CNTLN: variants seen among roughly 807,000 people sequenced by gnomAD.
CNTLN encodes centlein, centrosomal protein.
A neutral mutation model predicts 180.0 loss-of-function variants in CNTLN; 212 were observed. That is an observed-to-expected ratio of 1.18 (90% CI 1.05 to 1.32). CNTLN has a LOEUF of 1.32. Ranked by LOEUF, CNTLN falls within the 40% of genes most tolerant of loss-of-function variation. The probability of loss-of-function intolerance (pLI) is 0.00; values close to 1 mark genes in which losing one functional copy is unlikely to be tolerated. For missense variants in CNTLN, 2,095 were observed against 1,610.9 expected (o/e 1.30, Z -5.14); for synonymous variants, 722 against 563.1 (o/e 1.28, Z -3.99).
intron 18 of CNTLN, among the ~76,000 whole-genome samples, chr9:17,439,928 G>T (rs1215551458): frequency 6.6e-6 from 1 of 152,146 alleles, no homozygotes; most frequent in Non-Finnish European, 1.5e-5. Context: ...ATCATAATAA[G>T]TAAATGTTTG....
At chr9:17,135,460 C>T (rs184682560) in intron 1 of CNTLN, 35 bp downstream of exon 1, 1 of 1,565,172 alleles carries the variant, frequency 6.4e-7, no homozygotes, top group South Asian at 1.2e-5. Context: ...CTTTCCCCAC[C>T]ACAGCGGGGC....
At chr9:17,447,424 G>A (rs529142005) in intron 18 of CNTLN, 23 of 167,882 alleles carry the variant, frequency 1.4e-4, no homozygotes, top group Middle Eastern at 1.6e-3. Flanking sequence ...ACGTGTTGGC[G>A]TACACAGTTG....
intron 7 of CNTLN, among the ~76,000 whole-genome samples, chr9:17,307,489 C>T (rs1302639008): frequency 6.6e-6 from 1 of 152,100 alleles, no homozygotes; most frequent in Non-Finnish European, 1.5e-5. Context: ...AGGCTGGTCT[C>T]GAACTCCTGA....
intron 7 of CNTLN, chr9:17,299,897 C>A: frequency 1.6e-6 from 1 of 616,262 alleles, no homozygotes; most frequent in Non-Finnish European, 2.0e-6. Context: ...TGGCTTTCTT[C>A]CTTCAGTTTT....
At chr9:17,175,231 G>C (rs1237943194) in intron 2 of CNTLN, among the ~76,000 whole-genome samples, 1 of 152,072 alleles carries the variant, frequency 6.6e-6, no homozygotes, top group African/African-American at 2.4e-5. Flanking sequence ...AGAGACCAAA[G>C]ATTTTCTCTT....
chr9:17,388,023 G>C, intron 13 of CNTLN, 139 bp from the exon 14 acceptor site: 1 of 426,346 alleles, frequency 2.3e-6, no homozygotes, highest in Middle Eastern at 6.4e-4. Context: ...TCATTGTTTA[G>C]TTACTGGCCA....
chr9:17,342,584 T>C, intron 12 of CNTLN, 140 bp downstream of exon 12: 1 of 740,608 alleles, frequency 1.4e-6, no homozygotes, highest in Non-Finnish European at 2.1e-6. Context: ...AAAAAAAGAC[T>C]AGCTTTTAAA....
intron 2 of CNTLN, among the ~76,000 whole-genome samples, chr9:17,224,053 A>T (rs1824313088): frequency 6.6e-6 from 1 of 151,946 alleles, no homozygotes; most frequent in Non-Finnish European, 1.5e-5. Flanking sequence ...TATTACTTTT[A>T]AGGAGAGTTA....
At chr9:17,390,960 C>A (rs921722918) in intron 14 of CNTLN, among the ~76,000 whole-genome samples, 1 of 152,070 alleles carries the variant, frequency 6.6e-6, no homozygotes, top group Non-Finnish European at 1.5e-5. Flanking sequence ...CTTTCCTCAC[C>A]TATCATAAGG....
chr9:17,279,008 A>G (rs1828492164), intron 6 of CNTLN, among the ~76,000 whole-genome samples: 1 of 152,010 alleles, frequency 6.6e-6, no homozygotes, highest in African/African-American at 2.4e-5. Flanking sequence ...TACATCTTAG[A>G]TAATTATTTT....
intron 2 of CNTLN, among the ~76,000 whole-genome samples, chr9:17,176,138 T>C (rs539279211): frequency 1.2e-4 from 18 of 152,232 alleles, no homozygotes; most frequent in African/African-American, 4.1e-4. Flanking sequence ...TCCAGTACTA[T>C]GTTGAGTAAG....
the CNTLN span, among the ~76,000 whole-genome samples, chr9:17,521,715 C>A: frequency 8.5e-5 from 13 of 152,102 alleles, no homozygotes; most frequent in Non-Finnish European, 4.4e-5. Context: ...GGAAACTGTT[C>A]CTTTCAAGTG....
At chr9:17,452,561 C>G (rs978700527) in intron 18 of CNTLN, among the ~76,000 whole-genome samples, 1 of 152,180 alleles carries the variant, frequency 6.6e-6, no homozygotes, top group Non-Finnish European at 1.5e-5. Flanking sequence ...ATAGCACTTA[C>G]TATAGTTTAT....
At chr9:17,389,722 A>G (rs1462940983) in intron 14 of CNTLN, among the ~76,000 whole-genome samples, 1 of 82,120 alleles carries the variant, frequency 1.2e-5, no homozygotes, top group African/African-American at 3.7e-5. Context: ...ATATTTGTAT[A>G]TAGTAGAAAT....
chr9:17,149,195 A>AT, intron 2 of CNTLN, among the ~76,000 whole-genome samples: 1 of 152,014 alleles, frequency 6.6e-6, no homozygotes, highest in Non-Finnish European at 1.5e-5. Flanking sequence ...TATGTGCCAC[A>AT]TTTTCTTTAT....
intron 18 of CNTLN, among the ~76,000 whole-genome samples, chr9:17,416,756 T>TA (rs1828285539): frequency 6.6e-6 from 1 of 152,152 alleles, no homozygotes; most frequent in Non-Finnish European, 1.5e-5. Flanking sequence ...AAGTTTAACT[T>TA]ACACTTTGAG....
intron 18 of CNTLN, chr9:17,447,370 A>G: frequency 5.2e-6 from 1 of 193,636 alleles, no homozygotes; most frequent in Admixed American, 4.7e-5. Context: ...TTGAGAAAAA[A>G]GTGTTTGGAA....
chr9:17,483,854 T>TAA (rs1444425425), intron 23 of CNTLN, among the ~76,000 whole-genome samples: 8 of 152,230 alleles, frequency 5.3e-5, no homozygotes, highest in African/African-American at 1.9e-4. Context: ...ATAGAAACAG[T>TAA]TCTTTCTGCA....
chr9:17,367,758 T>C (rs1823952133), intron 13 of CNTLN, among the ~76,000 whole-genome samples: 1 of 152,108 alleles, frequency 6.6e-6, no homozygotes, highest in African/African-American at 2.4e-5. Flanking sequence ...GAAGCGAACC[T>C]GGTGCCTTGA....
Sources: gnomAD v4.1 joint callset for allele counts (sites outside exome capture counted in the v4.1 genomes callset) on GRCh38, gnomAD v4.1.1 for gene constraint, MANE v1.5 for transcripts, NCBI Gene and HGNC (gene_info 2026-07-23, HGNC 2026-07-21) for gene names.